Variants in CAPN9 observed in about 807,000 individuals in gnomAD.
The protein encoded by CAPN9 is calpain 9, also known as calpain-9.
A neutral mutation model predicts 92.8 loss-of-function variants in CAPN9; 81 were observed. The observed-to-expected ratio is 0.87, with a 90% CI of 0.73 to 1.05. CAPN9 has a LOEUF of 1.05. Among genes scored for constraint, CAPN9 ranks in the 50% least tolerant of loss-of-function variants. The pLI, the probability that CAPN9 is intolerant of heterozygous loss-of-function variation, is 0.00. For missense variants in CAPN9, 848 were observed against 866.2 expected, an observed-to-expected ratio of 0.98 and a Z score of 0.26; for synonymous variants, 304 against 328.0, an observed-to-expected ratio of 0.93 and a Z score of 0.79.
At chr1:230,751,666 AGAAAGAAAGAAAGAAAGAAG>A (rs1664840856) in intron 1 of CAPN9, among the ~76,000 whole-genome samples, 3 of 51,826 alleles carry the variant, frequency 5.8e-5, no homozygotes, top group Non-Finnish European at 1.2e-4. Context: ...AAAGAAAGAA[AGAAAGAAAGAAAGAAAGAAG>A]GGTGGCTTTT....
intron 11 of CAPN9, among the ~76,000 whole-genome samples, chr1:230,782,848 C>T (rs903877256): frequency 1.3e-5 from 2 of 152,006 alleles, no homozygotes; most frequent in African/African-American, 4.8e-5. Flanking sequence ...GAAACCCTAT[C>T]TCTACTAAAA....
rs1229854778 is a variant in CAPN9 at position 230,747,780 on chromosome 1, C to T, written c.213+71C>T. On this transcript the variant is annotated intron_variant, in intron 1 of 19. Coordinates refer to ENST00000271971, the MANE Select transcript of CAPN9 (RefSeq NM_006615.3). ...CAGCAGCCCCCGCAGGAAGTGGAAA[C>T]AGGGGTGCTGGGGAGGGGCCGGCTA... is the stretch of plus-strand genomic sequence containing the variant. The T allele has an allele frequency of 2.1e-6, 3 of 1,405,936 alleles. No individual in the cohort carries two copies. In the African/African-American group the frequency reaches 4.2e-5, roughly 20 times the overall value. 87.1% of individuals were successfully genotyped at this position (1,405,936 alleles called of 1,614,324 possible).
Position 230,798,194 on chromosome 1 carries a change from G to A in CAPN9, c.2020G>A (p.Glu674Lys), listed in dbSNP as rs1441228053. ...VFQALSTKNK[E>K]FIHLNINEFI... ...CCAGGCTCTCAGTACAAAGAACAAGGAGTTCATTCATCTCAATATAAATGA... is the reference window on the plus strand; with the variant it reads ...CCAGGCTCTCAGTACAAAGAACAAGAAGTTCATTCATCTCAATATAAATGA... Residue 674 changes from glutamate to lysine, a missense_variant, in exon 19 of 20, where the codon GAG (glutamate) becomes AAG (lysine). Physicochemically the swap from Glu to Lys is moderately conservative, Grantham distance 56 (BLOSUM62 1). Transcript: ENST00000271971. 6 of 1,612,344 alleles carry A rather than the reference G, an allele frequency of 3.7e-6. No individual in the cohort carries two copies. Among genetic ancestry groups the A allele is most frequent in the Non-Finnish European group, 5.1e-6 (6 of 1,178,504 alleles).
intron 2 of CAPN9, among the ~76,000 whole-genome samples, chr1:230,756,623 A>G (rs1017866225): frequency 2.0e-5 from 3 of 152,180 alleles, no homozygotes; most frequent in African/African-American, 4.8e-5. Context: ...TTTTTTTTCA[A>G]CCAAACACAG....
intron 1 of CAPN9, among the ~76,000 whole-genome samples, chr1:230,751,629 AAGAAAGAAAG>A (rs1558080021): frequency 9.5e-5 from 8 of 84,606 alleles, no homozygotes; most frequent in Non-Finnish European, 1.4e-4. Flanking sequence ...GAAAGAAAGA[AAGAAAGAAAG>A]AAAGAAAGAA....
At chr1:230,786,116 G>A in intron 12 of CAPN9, 99 bp downstream of exon 12, 1 of 1,605,616 alleles carries the variant, frequency 6.2e-7, no homozygotes, top group Non-Finnish European at 8.5e-7. Context: ...GCAGTTCAGG[G>A]ATGGTTACAT....
At chr1:230,793,916 C>T (rs1668171983) in intron 17 of CAPN9, among the ~76,000 whole-genome samples, 1 of 152,150 alleles carries the variant, frequency 6.6e-6, no homozygotes, top group Non-Finnish European at 1.5e-5. Context: ...TGTGTCTTTC[C>T]TACCCTGACG....
chr1:230,787,633 C>G (rs770357535), intron 13 of CAPN9, 31 bp downstream of exon 13: 1 of 1,588,954 alleles, frequency 6.3e-7, no homozygotes, highest in Non-Finnish European at 8.6e-7. Flanking sequence ...ATCTCCCCAC[C>G]AGGCTGAGGG....
At chr1:230,771,833 G>T (rs1666404691) in intron 6 of CAPN9, among the ~76,000 whole-genome samples, 181 bp from the exon 7 acceptor site, 1 of 152,232 alleles carries the variant, frequency 6.6e-6, no homozygotes, top group African/African-American at 2.4e-5. Flanking sequence ...GGAATTAGAA[G>T]GTTCCAAGGG....
At chr1:230,771,595 C>CATG (rs1666390338) in intron 6 of CAPN9, among the ~76,000 whole-genome samples, 1 of 152,206 alleles carries the variant, frequency 6.6e-6, no homozygotes. Flanking sequence ...GTAATAGTTC[C>CATG]ATGAGCACCT....
intron 4 of CAPN9, among the ~76,000 whole-genome samples, chr1:230,766,004 C>T (rs7514942): frequency 0.28 from 41,949 of 152,108 alleles, 6,188 homozygotes; most frequent in Non-Finnish European, 0.34. Context: ...GGCATGTGGA[C>T]GGCAGGTACT....
intron 7 of CAPN9, among the ~76,000 whole-genome samples, chr1:230,773,425 G>A (rs1433128345): frequency 3.9e-5 from 6 of 152,140 alleles, no homozygotes; most frequent in East Asian, 1.9e-4. Context: ...CTTTGAGATC[G>A]TAGCCTATAA....
chr1:230,794,580 T>A (rs1337219089), intron 17 of CAPN9, among the ~76,000 whole-genome samples: 1 of 152,168 alleles, frequency 6.6e-6, no homozygotes, highest in African/African-American at 2.4e-5. Flanking sequence ...ACTGAACCCA[T>A]ATGCCACGGC....
chr1:230,789,616 C>A (rs1367103045), intron 13 of CAPN9, among the ~76,000 whole-genome samples: 1 of 151,222 alleles, frequency 6.6e-6, no homozygotes, highest in Non-Finnish European at 1.5e-5. Context: ...CACCCTTATT[C>A]TTAATTCTAA....
chr1:230,757,872 A>G (rs934885724), intron 2 of CAPN9, among the ~76,000 whole-genome samples: 3 of 151,994 alleles, frequency 2.0e-5, no homozygotes, highest in Non-Finnish European at 2.9e-5. Context: ...CGACTGCAGT[A>G]TGGGGTCCCT....
Position 230,772,013 on chromosome 1 carries a change from G to A in CAPN9, c.790-1G>A, listed in dbSNP as rs1158511185. The A allele has an allele frequency of 6.2e-7, 1 of 1,613,858 alleles. No individual in the cohort carries two copies. Among genetic ancestry groups the A allele is most frequent in the Non-Finnish European group, 8.5e-7 (1 of 1,179,826 alleles). On this transcript the variant is annotated splice_acceptor_variant, in intron 6 of 19. Coordinates refer to ENST00000271971, the MANE Select transcript of CAPN9 (RefSeq NM_006615.3). LOFTEE classifies it high-confidence loss of function. Reference sequence around the variant, plus strand: ...ACTTCCCTCATGCTTTTCCCTTCTAGGTAAGCTTCCGAGGCCAGAGAATCG... The same window carrying A: ...ACTTCCCTCATGCTTTTCCCTTCTAAGTAAGCTTCCGAGGCCAGAGAATCG...
chr1:230,759,635 G>C lies in CAPN9; in HGVS notation c.402+5G>C. On this transcript the variant is annotated splice_donor_5th_base_variant and intron_variant, in intron 3 of 19. Transcript: ENST00000271971. ...GCCGGGATATTCCATTTCCAGGTAAGAGGGAGCCCTGGGCCAGTGGGTTTA... is the reference window on the plus strand; with the variant it reads ...GCCGGGATATTCCATTTCCAGGTAACAGGGAGCCCTGGGCCAGTGGGTTTA... 2 of 1,591,024 alleles carry C rather than the reference G, an allele frequency of 1.3e-6. No individual in the cohort carries two copies. The highest frequency in any genetic ancestry group is 1.7e-6 in the Non-Finnish European group (2 of 1,167,256).
chr1:230,780,119 TGTGG>T, intron 9 of CAPN9, 56 bp from the exon 10 acceptor site: 7 of 904,320 alleles, frequency 7.7e-6, no homozygotes, highest in Non-Finnish European at 1.2e-5. Context: ...TGTGTGTGTG[TGTGG>T]TCTTTGTGGG....
chr1:230,780,211 T>C lies in CAPN9; in HGVS notation c.1147T>C (p.Ser383Pro). Residue 383 changes from serine to proline, a missense_variant, in exon 10 of 20, where the codon TCT becomes CCT. Physicochemically the swap from Ser to Pro is moderately conservative, Grantham distance 74 (BLOSUM62 -1). Coordinates refer to ENST00000271971, the MANE Select transcript of CAPN9 (RefSeq NM_006615.3). ...TTGGACCAATCCACAAATAAAATTGTCTCTGACTGAGAAAGATGAGGGGCA... is the reference window on the plus strand; with the variant it reads ...TTGGACCAATCCACAAATAAAATTGCCTCTGACTGAGAAAGATGAGGGGCA... ...TFWTNPQIKLSLTEKDEGQEE... is the reference protein window; with the variant it reads ...TFWTNPQIKLPLTEKDEGQEE... 6.2e-7 allele frequency: 1 copy of C among 1,613,972 alleles called. No homozygotes were observed. Among genetic ancestry groups the C allele is most frequent in the South Asian group, 1.1e-5 (1 of 91,066 alleles).
Sources: gnomAD v4.1 joint callset for allele counts (sites outside exome capture counted in the v4.1 genomes callset) on GRCh38, gnomAD v4.1.1 for gene constraint, MANE v1.5 for transcripts, NCBI Gene and HGNC (gene_info 2026-07-23, HGNC 2026-07-21) for gene names.